Variants in IQSEC1 observed in about 807,000 individuals in gnomAD.
IQSEC1 encodes the protein IQ motif and SEC7 domain-containing protein 1.
Under a neutral mutation model 91.0 loss-of-function variants are expected in IQSEC1, and 31 were observed. The ratio of observed to expected loss-of-function variants is 0.34; its 90% CI spans 0.26 to 0.46. The LOEUF (loss-of-function observed/expected upper bound fraction) is 0.46, where lower values mean the gene tolerates loss of function less well. Ranked by LOEUF, IQSEC1 falls within the 20% of genes least tolerant of loss-of-function variation. The pLI, the probability that IQSEC1 is intolerant of heterozygous loss-of-function variation, is 1.00. For synonymous variants in IQSEC1, 699 were observed against 662.6 expected, an observed-to-expected ratio of 1.05 and a Z score of -0.84; for missense variants, 1,388 against 1,575.6, an observed-to-expected ratio of 0.88 and a Z score of 2.02.
exon 1 of IQSEC1, among the ~76,000 whole-genome samples, chr3:13,283,093 C>G (rs1695829825): frequency 6.9e-6 from 1 of 144,184 alleles, no homozygotes; most frequent in Non-Finnish European, 1.5e-5. Context: ...GCGGGGCTGC[C>G]GCGGCCCCGC....
Position 13,196,475 on chromosome 3 carries a change from G to A in IQSEC1, c.273-32342C>T, listed in dbSNP as rs189916375. Reference sequence around the variant, plus strand: ...CTTCCTCCTCAACCGAGGGCTCAATGTGGCTTCCTTCCTGAGCGCCTCTGA... The same window carrying A: ...CTTCCTCCTCAACCGAGGGCTCAATATGGCTTCCTTCCTGAGCGCCTCTGA... On this transcript the variant is annotated intron_variant, in intron 1 of 15. Transcript: ENST00000648114. 1.1e-3 allele frequency among the ~76,000 whole-genome samples: 170 copies of A among 152,352 alleles called. 1 individual carries two copies. Among genetic ancestry groups the A allele is most frequent in the African/African-American group, 3.8e-3 (156 of 41,576 alleles).
In IQSEC1 at chr3:13,057,051, A is replaced by G. The variant is rs1559241570; in HGVS notation, c.23+15941T>C. On this transcript the variant is annotated intron_variant, in intron 1 of 13. Transcript: ENST00000613206. ...TTTATGTGAACATAAGCGGACACAT[A>G]TGCACACAGAGACGGGCGGTATCTA... 2.0e-5 allele frequency among the ~76,000 whole-genome samples: 3 copies of G among 152,246 alleles called. No homozygotes were observed. In the East Asian group the frequency reaches 5.8e-4, roughly 29 times the overall value.
At chr3:12,966,476 A>T (rs944595041) in intron 1 of IQSEC1, among the ~76,000 whole-genome samples, 3 of 152,180 alleles carry the variant, frequency 2.0e-5, no homozygotes, top group Admixed American at 2.0e-4. Context: ...GCCTGCAGAT[A>T]GCTCAGGGGG....
chr3:12,943,942 G>C (rs1698989054), intron 1 of IQSEC1, among the ~76,000 whole-genome samples: 1 of 152,228 alleles, frequency 6.6e-6, no homozygotes, highest in Non-Finnish European at 1.5e-5. Flanking sequence ...TCCGGGGTCA[G>C]GCAGGGGATG....
At chr3:13,242,195 A>T (rs1325216892) in intron 1 of IQSEC1, among the ~76,000 whole-genome samples, 2 of 152,094 alleles carry the variant, frequency 1.3e-5, no homozygotes, top group African/African-American at 4.8e-5. Context: ...GGAAGTAAAG[A>T]AGTCAGGAGG....
At chr3:13,138,157 T>G (rs1706740264) in intron 2 of IQSEC1, among the ~76,000 whole-genome samples, 1 of 152,184 alleles carries the variant, frequency 6.6e-6, no homozygotes, top group Non-Finnish European at 1.5e-5. Flanking sequence ...AAGTCTTGTC[T>G]TCCTCACGCC....
intron 1 of IQSEC1, among the ~76,000 whole-genome samples, chr3:13,279,998 G>A (rs1213437376): frequency 6.6e-6 from 1 of 152,170 alleles, no homozygotes; most frequent in East Asian, 1.9e-4. Flanking sequence ...GTGGACAATG[G>A]AAGAATCTGA....
chr3:13,142,846 C>G (rs982395072), intron 2 of IQSEC1, among the ~76,000 whole-genome samples: 1 of 152,216 alleles, frequency 6.6e-6, no homozygotes, highest in African/African-American at 2.4e-5. Context: ...AAAGCCCGAA[C>G]TGTTTACCAT....
At chr3:13,165,301 G>A (rs558927672) in intron 1 of IQSEC1, among the ~76,000 whole-genome samples, 1 of 152,216 alleles carries the variant, frequency 6.6e-6, no homozygotes, top group African/African-American at 2.4e-5. Context: ...GATGTGAGAT[G>A]GGAATGGCGC....
chr3:12,909,098 G>A lies in IQSEC1; in HGVS notation c.2578+175C>T, dbSNP rs952760742. On this transcript the variant is annotated intron_variant, in intron 11 of 13. Transcript: ENST00000613206. The surrounding 1 kb of genome is among the most constrained non-coding windows in gnomAD (Gnocchi z 4.9). ...GCGGGTCCTGGATTGGACTCCCTCTGTGCCTCCTGCAGCCTGGGAACACAG... is the reference window on the plus strand; with the variant it reads ...GCGGGTCCTGGATTGGACTCCCTCTATGCCTCCTGCAGCCTGGGAACACAG... 6.6e-6 allele frequency among the ~76,000 whole-genome samples: 1 copy of A among 152,214 alleles called. No homozygotes were observed. Among genetic ancestry groups the A allele is most frequent in the African/African-American group, 2.4e-5 (1 of 41,458 alleles).
rs1358923724 is a variant in IQSEC1, at chr3:12,979,835, CG to C, written c.24-37971del. Among the ~76,000 whole-genome samples the C allele has an allele frequency of 6.6e-6, 1 of 152,120 alleles. No homozygotes were observed. The highest frequency in any genetic ancestry group is 1.5e-5 in the Non-Finnish European group (1 of 68,036). ...CTGTGCCTCACCCGGAATCGTTTCGCGGCCTGGATCTCATACTTCCTGAAAC... is the reference window on the plus strand; with the variant it reads ...CTGTGCCTCACCCGGAATCGTTTCGCGCCTGGATCTCATACTTCCTGAAAC... On this transcript the variant is annotated intron_variant, in intron 1 of 13. Coordinates refer to ENST00000613206, the MANE Select transcript of IQSEC1 (RefSeq NM_001134382.3). The surrounding 1 kb of genome is among the most constrained non-coding windows in gnomAD (Gnocchi z 4.3).
rs1559628316 is a variant in IQSEC1 at position 12,924,490 on chromosome 3, G to A, written c.1730+91C>T. The stretch of plus-strand genomic sequence containing the variant: ...CACCACATGTCCCAGCAAGTAGGGT[G>A]GGCCTGGCCCTGTGTGTGCCCACGG... On this transcript the variant is annotated intron_variant, in intron 4 of 13. Coordinates refer to ENST00000613206, the MANE Select transcript of IQSEC1 (RefSeq NM_001134382.3). The surrounding 1 kb of genome is among the most constrained non-coding windows in gnomAD (Gnocchi z 6.3). The A allele has an allele frequency of 9.1e-6, 12 of 1,322,842 alleles. No homozygotes were observed. The highest frequency in any genetic ancestry group is 2.7e-5 in the East Asian group (1 of 37,120). 81.9% of individuals were successfully genotyped at this position (1,322,842 alleles called of 1,614,324 possible).
rs1491034439 is a variant in IQSEC1 at position 13,252,716 on chromosome 3, ATG to A, written c.272+29993_272+29994del. Among the ~76,000 whole-genome samples, 436 of 125,838 alleles carry A rather than the reference ATG, an allele frequency of 3.5e-3. 2 individuals are homozygous for A. The highest frequency in any genetic ancestry group is 0.018 in the African/African-American group (415 of 23,636). 82.6% of individuals were successfully genotyped at this position (125,838 alleles called of 152,430 possible). On this transcript the variant is annotated intron_variant, in intron 1 of 15. Coordinates refer to the IQSEC1 transcript ENST00000648114. The stretch of plus-strand genomic sequence containing the variant: ...TTCACCAACAGACTTCTTATTATCT[ATG>A]TTTTTTTTTGTTTTTGTTTGTTTGT...
chr3:12,916,545 G>T lies in IQSEC1; in HGVS notation c.2021-812C>A, dbSNP rs77469715. Among the ~76,000 whole-genome samples, 692 of 152,306 alleles carry T rather than the reference G, an allele frequency of 4.5e-3. 6 individuals carry two copies. Among genetic ancestry groups the T allele is most frequent in the African/African-American group, 0.016 (667 of 41,556 alleles). On this transcript the variant is annotated intron_variant, in intron 6 of 13. Transcript: ENST00000613206. ...GCAGTCCAAAAGGCTGCAGTGCTTG[G>T]GGAACATGGACCTCCCACAGATGGC...
chr3:13,046,229 C>T (rs1274776680), intron 1 of IQSEC1, among the ~76,000 whole-genome samples: 1 of 152,230 alleles, frequency 6.6e-6, no homozygotes, highest in Non-Finnish European at 1.5e-5. Flanking sequence ...TCAGCTTTCA[C>T]AAAGCAAAGG....
chr3:13,014,211 G>C (rs1559719483), intron 1 of IQSEC1, among the ~76,000 whole-genome samples: 1 of 152,204 alleles, frequency 6.6e-6, no homozygotes, highest in Non-Finnish European at 1.5e-5. Flanking sequence ...ACCAGCCTGA[G>C]GGGCACTGTG....
At chr3:12,977,301 T>C (rs979044500) in intron 1 of IQSEC1, among the ~76,000 whole-genome samples, 1 of 151,376 alleles carries the variant, frequency 6.6e-6, no homozygotes, top group African/African-American at 2.4e-5. Context: ...TGAGCCATGA[T>C]TGCACCACTG....
rs1309170359 is a variant in IQSEC1, at chr3:12,979,220, T to C, written c.24-37355A>G. 6.6e-6 allele frequency among the ~76,000 whole-genome samples: 1 copy of C among 152,208 alleles called. No individual in the cohort carries two copies. Among genetic ancestry groups the C allele is most frequent in the Non-Finnish European group, 1.5e-5 (1 of 68,038 alleles). ...AAAAGCCAGCCTCACTAAGCATAAA[T>C]TGAATTTTCCCATGAAAATAAATCA... On this transcript the variant is annotated intron_variant, in intron 1 of 13. Coordinates refer to ENST00000613206, the MANE Select transcript of IQSEC1 (RefSeq NM_001134382.3). This position sits in a 1 kb window ranked among gnomAD's most constrained non-coding sequence, Gnocchi z 4.3.
chr3:13,212,082 G>A (rs1694458711), intron 1 of IQSEC1, among the ~76,000 whole-genome samples: 1 of 152,214 alleles, frequency 6.6e-6, no homozygotes, highest in African/African-American at 2.4e-5. Context: ...CTGAGGGGCA[G>A]GTTTCTTAAC....
Sources: allele counts gnomAD v4.1 joint callset (sites outside exome capture counted in the v4.1 genomes callset), GRCh38; gene constraint gnomAD v4.1.1; non-coding constraint Gnocchi (gnomAD v3.1); transcripts MANE v1.5; gene names NCBI Gene and HGNC (gene_info 2026-07-23, HGNC 2026-07-21).